The following MYO1E variants were observed in gnomAD, a reference collection of about 807,000 sequenced individuals.
MYO1E encodes the protein myosin IE, also known as unconventional myosin-Ie.
In MYO1E, 68 loss-of-function variants were observed where a neutral mutation model predicts 151.1. That is an observed-to-expected ratio of 0.45 (90% confidence interval 0.37 to 0.55). The LOEUF (loss-of-function observed/expected upper bound fraction) is 0.55. MYO1E is among the 20% of genes least tolerant of loss of function. The pLI, the probability that MYO1E is intolerant of heterozygous loss-of-function variation, is 0.00. For synonymous variants in MYO1E, 601 were observed against 501.7 expected, an observed-to-expected ratio of 1.20 and a Z score of -2.64; for missense variants, 1,363 against 1,389.3, an observed-to-expected ratio of 0.98 and a Z score of 0.30.
intron 1 of MYO1E, among the ~76,000 whole-genome samples, chr15:59,361,342 G>A (rs2080884344): frequency 6.6e-6 from 1 of 152,214 alleles, no homozygotes; most frequent in African/African-American, 2.4e-5. Context: ...GCTAACACAA[G>A]AAAAGGTGGC....
intron 18 of MYO1E, among the ~76,000 whole-genome samples, chr15:59,183,749 G>A (rs1216564979): frequency 5.3e-5 from 8 of 152,116 alleles, no homozygotes; most frequent in Non-Finnish European, 1.0e-4. Context: ...TAGTCACCCA[G>A]TTGTGCTAGG....
At chr15:59,148,020 C>G (rs1478635890) in intron 26 of MYO1E, among the ~76,000 whole-genome samples, 1 of 152,174 alleles carries the variant, frequency 6.6e-6, no homozygotes, top group African/African-American at 2.4e-5. Flanking sequence ...CTTGCAAGAC[C>G]AGCCAATGAA....
intron 1 of MYO1E, among the ~76,000 whole-genome samples, chr15:59,315,187 C>G (rs776702227): frequency 3.3e-5 from 5 of 151,920 alleles, no homozygotes; most frequent in Admixed American, 6.6e-5. Flanking sequence ...GGCAACAGAC[C>G]ATGATTTTTT....
intron 6 of MYO1E, 60 bp from the exon 7 acceptor site, chr15:59,227,650 A>G (rs2080000286): frequency 1.9e-6 from 3 of 1,592,754 alleles, no homozygotes; most frequent in African/African-American, 1.3e-5. Flanking sequence ...TGTCCCAAAC[A>G]GGCTTTGAAT....
At position 59,218,035 on chromosome 15, in the gene MYO1E, T is replaced by C. The variant is rs1207630303; in HGVS notation, c.963A>G (p.Glu321=). The C allele has an allele frequency of 1.2e-6, 2 of 1,614,230 alleles. No individual in the cohort carries two copies. The highest frequency in any genetic ancestry group is 1.7e-6 in the Non-Finnish European group (2 of 1,180,050). Residue 321 remains glutamate, a synonymous_variant, in exon 10 of 28, where the codon GAA becomes GAG. Transcript: ENST00000288235. ...LLGINQDRLK[E]KLTSRQMDSK... is the part of the protein sequence containing the mutation. The stretch of plus-strand genomic sequence containing the variant: ...TATCCATCTGCCGGCTTGTTAGCTT[T>C]TCTTTCAACCGGTCCTGGTTTATCC...
intron 9 of MYO1E, among the ~76,000 whole-genome samples, chr15:59,219,161 T>G (rs2079938522): frequency 6.6e-6 from 1 of 152,196 alleles, no homozygotes; most frequent in African/African-American, 2.4e-5. Context: ...AAACGGAGAC[T>G]TCCATAGCTC....
intron 1 of MYO1E, among the ~76,000 whole-genome samples, chr15:59,302,457 T>G (rs1341441779): frequency 6.6e-6 from 1 of 152,218 alleles, no homozygotes; most frequent in Non-Finnish European, 1.5e-5. Flanking sequence ...CTGCAGTCAC[T>G]TAAGGCCGCT....
chr15:59,356,189 G>A (rs569431960), intron 1 of MYO1E, among the ~76,000 whole-genome samples: 5 of 152,178 alleles, frequency 3.3e-5, no homozygotes, highest in African/African-American at 1.2e-4. Flanking sequence ...CATGACTGCA[G>A]ATTGCTTTCT....
Position 59,153,636 on chromosome 15 carries a change from G to A in MYO1E, c.3034C>T (p.Pro1012Ser), listed in dbSNP as rs746556749. The change falls in exon 26 of 28, where the codon CCA (proline) becomes TCA (serine). Residue 1012 changes from proline to serine, a missense_variant. By Grantham distance (74) the Pro-to-Ser change is moderately conservative. Coordinates refer to ENST00000288235, the MANE Select transcript of MYO1E (RefSeq NM_004998.4). ...STSSDRVSQT[P>S]ESLDFLKVPD... ...ACCTTGAGGAAATCCAGGCTCTCTG[G>A]CGTCTGTGACACTCGGTCTGAACTG... The A allele has an allele frequency of 1.2e-6, 2 of 1,614,028 alleles. No individual in the cohort carries two copies. Among genetic ancestry groups the A allele is most frequent in the African/African-American group, 2.7e-5 (2 of 74,900 alleles).
intron 5 of MYO1E, among the ~76,000 whole-genome samples, chr15:59,235,008 C>T (rs1218243567): frequency 6.6e-6 from 1 of 152,070 alleles, no homozygotes; most frequent in Non-Finnish European, 1.5e-5. Context: ...CCTTATGGAC[C>T]TTAGCTCGCC....
intron 5 of MYO1E, among the ~76,000 whole-genome samples, chr15:59,234,655 A>G (rs577812871): frequency 6.6e-6 from 1 of 152,098 alleles, no homozygotes; most frequent in South Asian, 2.1e-4. Flanking sequence ...CCCTGTCCCT[A>G]CCAAAAACAA....
chr15:59,196,039 A>G (rs1388133885), intron 16 of MYO1E, among the ~76,000 whole-genome samples: 2 of 152,222 alleles, frequency 1.3e-5, no homozygotes, highest in Non-Finnish European at 2.9e-5. Context: ...TGGCAATCCA[A>G]CTAATGAAGA....
At position 59,178,333 on chromosome 15, in the gene MYO1E, A is replaced by G. The variant is rs1486965425; in HGVS notation, c.2049+60T>C. 7.5e-6 allele frequency: 12 copies of G among 1,598,654 alleles called. No homozygotes were observed. The East Asian group carries it at 2.2e-4, about 30-fold the overall frequency. ...GAAAAAGAAGCCAGCTGAGGGGTGGAGCAGGGCTGGCGGGGGCCCCGCGGG... is the reference window on the plus strand; with the variant it reads ...GAAAAAGAAGCCAGCTGAGGGGTGGGGCAGGGCTGGCGGGGGCCCCGCGGG... On this transcript the variant is annotated intron_variant, in intron 19 of 27. Transcript: ENST00000288235.
At position 59,184,170 on chromosome 15, in the gene MYO1E, C is replaced by T. The variant is rs535918437; in HGVS notation, c.1904+3948G>A. Among the ~76,000 whole-genome samples, 55 of 152,094 alleles carry T rather than the reference C, an allele frequency of 3.6e-4. 1 individual carries two copies. The highest frequency in any genetic ancestry group is 6.8e-4 in the Non-Finnish European group (46 of 68,022). On this transcript the variant is annotated intron_variant, in intron 18 of 27. Transcript: ENST00000288235. The stretch of plus-strand genomic sequence containing the variant: ...TACGGGTGTGCGCCACCACACCTGG[C>T]TAATTTTTGTATTTTTAGTAGAGAT...
chr15:59,173,680 A>G (rs2079608308), intron 21 of MYO1E, 66 bp downstream of exon 21: 1 of 1,587,808 alleles, frequency 6.3e-7, no homozygotes, highest in Admixed American at 1.7e-5. Context: ...CAAAAGCAAA[A>G]TAACAAGTTA....
At chr15:59,258,194 A>G (rs1354234219) in intron 3 of MYO1E, among the ~76,000 whole-genome samples, 2 of 152,188 alleles carry the variant, frequency 1.3e-5, no homozygotes, top group African/African-American at 4.8e-5. Context: ...TAAAAACACA[A>G]AAATTAGCCA....
At chr15:59,282,524 G>C (rs992104916) in intron 1 of MYO1E, among the ~76,000 whole-genome samples, 2 of 151,992 alleles carry the variant, frequency 1.3e-5, no homozygotes, top group East Asian at 3.9e-4. Flanking sequence ...CCCTAGAATG[G>C]TGGCTCCTAT....
At chr15:59,297,228 T>G (rs1419985922) in intron 1 of MYO1E, among the ~76,000 whole-genome samples, 1 of 151,610 alleles carries the variant, frequency 6.6e-6, no homozygotes, top group Non-Finnish European at 1.5e-5. Flanking sequence ...TGTCCTTTAT[T>G]ACTTATTTTT....
chr15:59,234,643 A>G (rs182301681), intron 5 of MYO1E, among the ~76,000 whole-genome samples: 5 of 152,096 alleles, frequency 3.3e-5, no homozygotes, highest in Non-Finnish European at 7.4e-5. Flanking sequence ...AATGTGGTGA[A>G]ACCCTGTCCC....
Sources: allele counts gnomAD v4.1 joint callset (sites outside exome capture counted in the v4.1 genomes callset), GRCh38; gene constraint gnomAD v4.1.1; transcripts MANE v1.5; gene names NCBI Gene and HGNC (gene_info 2026-07-23, HGNC 2026-07-21).